Variants in ARHGAP11B observed in about 807,000 individuals in gnomAD.
ARHGAP11B encodes the protein Rho GTPase activating protein 11B.
A neutral mutation model predicts 27.6 loss-of-function variants in ARHGAP11B; 14 were observed. The observed-to-expected ratio is 0.51, with a 90% CI of 0.34 to 0.79. The LOEUF (loss-of-function observed/expected upper bound fraction) is 0.79. Among genes scored for constraint, ARHGAP11B ranks in the 30% least tolerant of loss-of-function variants. The pLI is 0.02. For synonymous variants in ARHGAP11B, 82 were observed against 114.1 expected (o/e 0.72, Z 1.80); for missense variants, 245 against 320.1 (o/e 0.77, Z 1.79).
chr15:30,632,430 A>G (rs2060251783), intron 2 of ARHGAP11B, among the ~76,000 whole-genome samples: 1 of 151,846 alleles, frequency 6.6e-6, no homozygotes, highest in Non-Finnish European at 1.5e-5. Flanking sequence ...ACTAAAAGAA[A>G]AAAAAAAAGC....
chr15:30,643,084 A>G (rs2060324677), intron 7 of ARHGAP11B, among the ~76,000 whole-genome samples: 1 of 151,918 alleles, frequency 6.6e-6, no homozygotes, highest in Admixed American at 6.6e-5. Flanking sequence ...AAAACATGAG[A>G]ATAGTGCTGT....
rs1441261311 is a variant in ARHGAP11B at position 30,626,679 on chromosome 15, G to T, written c.-142G>T. The T allele has an allele frequency of 3.3e-6, 4 of 1,229,784 alleles. No individual in the cohort carries two copies. The African/African-American group carries it at 4.6e-5, about 14-fold the overall frequency. The allele number at this position is 1,229,784 out of a possible 1,614,324, so 76.2% of individuals were successfully genotyped here. A position where few individuals can be genotyped will look rare whatever the true frequency, so the allele number is the denominator to read the frequency against. On this transcript the variant is annotated 5_prime_UTR_variant, in exon 1 of 11. Transcript: ENST00000428041. ...AGGAAAAGCCGTGGAAGTGGCCGGG[G>T]GTCGGGGCCGCAGAAGTGCCAGACG...
intron 8 of ARHGAP11B, among the ~76,000 whole-genome samples, chr15:30,645,077 C>T (rs1019186254): frequency 4.6e-5 from 7 of 151,634 alleles, no homozygotes; most frequent in African/African-American, 1.7e-4. Flanking sequence ...ATTCTATTGG[C>T]GGGACCAGGA....
At chr15:30,642,687 C>A (rs1017307554) in intron 7 of ARHGAP11B, among the ~76,000 whole-genome samples, 3 of 151,938 alleles carry the variant, frequency 2.0e-5, no homozygotes, top group African/African-American at 7.2e-5. Context: ...AGTGATGGAG[C>A]AAACTCAAGC....
At chr15:30,637,150 TGTACCACC>T (rs1245529415) in intron 6 of ARHGAP11B, among the ~76,000 whole-genome samples, 3 of 151,790 alleles carry the variant, frequency 2.0e-5, no homozygotes, top group African/African-American at 7.3e-5. Flanking sequence ...CCACCACATC[TGTACCACC>T]GTTATCTTGA....
intron 6 of ARHGAP11B, among the ~76,000 whole-genome samples, chr15:30,637,003 A>G (rs947265590): frequency 2.0e-5 from 3 of 152,120 alleles, no homozygotes; most frequent in Non-Finnish European, 2.9e-5. Flanking sequence ...TGGAGAACAC[A>G]ATGCAACCCA....
At chr15:30,645,855 A>G (rs749243104) in intron 8 of ARHGAP11B, among the ~76,000 whole-genome samples, 2 of 152,074 alleles carry the variant, frequency 1.3e-5, no homozygotes, top group Non-Finnish European at 2.9e-5. Context: ...TTGTGGGACA[A>G]TTCTGCTTTA....
intron 10 of ARHGAP11B, chr15:30,647,856 T>A (rs1289898093): frequency 6.0e-6 from 1 of 166,376 alleles, no homozygotes; most frequent in Non-Finnish European, 1.5e-5. Flanking sequence ...AGGCAATTTT[T>A]ATGGGCATTC....
intron 6 of ARHGAP11B, among the ~76,000 whole-genome samples, chr15:30,638,300 G>A (rs1430857300): frequency 6.6e-6 from 1 of 151,924 alleles, no homozygotes; most frequent in African/African-American, 2.4e-5. Flanking sequence ...GTCAAACGGT[G>A]TTATTTATTT....
At position 30,630,933 on chromosome 15, in the gene ARHGAP11B, T is replaced by C. The variant is rs577865165; in HGVS notation, c.200+160T>C. On this transcript the variant is annotated intron_variant, in intron 2 of 10. Coordinates refer to ENST00000428041, the Ensembl canonical transcript of ARHGAP11B. The stretch of plus-strand genomic sequence containing the variant: ...TGTCGCAAAAGATAGAAAAATTAGC[T>C]TGGCGGAGCACACTTGTAGTCCCAG... Among the ~76,000 whole-genome samples, 12 of 152,026 alleles carry C rather than the reference T, an allele frequency of 7.9e-5. No individual in the cohort carries two copies. In the South Asian group the frequency reaches 2.5e-3, roughly 32 times the overall value.
intron 10 of ARHGAP11B, among the ~76,000 whole-genome samples, chr15:30,648,271 C>G (rs1595682290): frequency 1.3e-5 from 2 of 152,118 alleles, no homozygotes; most frequent in South Asian, 2.1e-4. Flanking sequence ...TTTATAAACT[C>G]CCAATGGAAG....
rs759041543 is a variant in ARHGAP11B, at chr15:30,635,064, C to T, written c.552-16C>T. 21 of 1,610,882 alleles carry T rather than the reference C, an allele frequency of 1.3e-5. 3 individuals carry two copies. The highest frequency in any genetic ancestry group is 4.0e-5 in the African/African-American group (3 of 74,780). ...TCACGTTTGGCTCCATCTAATAAAG[C>T]GTTTATTCACTTAAGATCCAGTGAG... On this transcript the variant is annotated splice_polypyrimidine_tract_variant and intron_variant, in intron 4 of 10. Transcript: ENST00000428041.
intron 7 of ARHGAP11B, among the ~76,000 whole-genome samples, chr15:30,639,678 A>C (rs189693636): frequency 1.3e-5 from 2 of 152,040 alleles, no homozygotes; most frequent in African/African-American, 4.8e-5. Context: ...TTGCCATGCC[A>C]GTAGATTCTT....
intron 1 of ARHGAP11B, among the ~76,000 whole-genome samples, chr15:30,627,468 T>A (rs559238001): frequency 6.6e-6 from 1 of 152,068 alleles, no homozygotes; most frequent in African/African-American, 2.4e-5. Flanking sequence ...AGATGAAGTA[T>A]GACAGAACAT....
chr15:30,635,580 G>A (rs1474519985), exon 6 of ARHGAP11B: 1 of 1,613,300 alleles, frequency 6.2e-7, no homozygotes, highest in Non-Finnish European at 8.5e-7. Flanking sequence ...TTTGAAGAAG[G>A]TGAATATGAA....
chr15:30,637,159 G>A (rs1016256886), intron 6 of ARHGAP11B, among the ~76,000 whole-genome samples: 1 of 151,506 alleles, frequency 6.6e-6, no homozygotes, highest in African/African-American at 2.4e-5. Context: ...CTGTACCACC[G>A]TTATCTTGAA....
chr15:30,633,565 G>T (rs746846033), exon 3 of ARHGAP11B: 1 of 1,613,040 alleles, frequency 6.2e-7, no homozygotes, highest in South Asian at 1.1e-5. Flanking sequence ...CAGGATCTGT[G>T]ATTCGCCTAA....
intron 7 of ARHGAP11B, among the ~76,000 whole-genome samples, chr15:30,639,303 G>A (rs1184574432): frequency 1.3e-5 from 2 of 151,148 alleles, no homozygotes; most frequent in Admixed American, 1.3e-4. Flanking sequence ...ATTAGTTTTT[G>A]TTTCAACTCC....
chr15:30,647,058 G>A (rs960358827), intron 9 of ARHGAP11B, among the ~76,000 whole-genome samples: 7 of 151,992 alleles, frequency 4.6e-5, no homozygotes, highest in African/African-American at 1.7e-4. Flanking sequence ...AATGGGTTGT[G>A]GGTGTTGGTT....
Sources: allele counts gnomAD v4.1 joint callset (sites outside exome capture counted in the v4.1 genomes callset), GRCh38; gene constraint gnomAD v4.1.1; transcripts MANE v1.5; gene names NCBI Gene and HGNC (gene_info 2026-07-23, HGNC 2026-07-21).